The following FGF10 variants were observed in gnomAD, a reference collection of about 807,000 sequenced individuals.
FGF10 encodes the protein FGF-10.
In FGF10, 2 loss-of-function variants were observed where a neutral mutation model predicts 19.8. The observed-to-expected ratio is 0.10, with a 90% CI of 0.04 to 0.32. The LOEUF is 0.32. Ranked by LOEUF, FGF10 falls within the 10% of genes least tolerant of loss-of-function variation. The pLI is 1.00. For synonymous variants in FGF10, 112 were observed against 94.0 expected (o/e 1.19, Z -1.10); for missense variants, 191 against 246.3 (o/e 0.78, Z 1.50).
intron 1 of FGF10, among the ~76,000 whole-genome samples, chr5:44,378,181 T>C (rs1741908674): frequency 6.6e-6 from 1 of 152,180 alleles, no homozygotes; most frequent in Admixed American, 6.5e-5. Context: ...TTTTTTCCCC[T>C]TGGGGATGCT....
chr5:44,371,129 C>T (rs2128432), intron 1 of FGF10, among the ~76,000 whole-genome samples: 18,133 of 151,922 alleles, frequency 0.12, 2,662 homozygotes, highest in African/African-American at 0.34. Flanking sequence ...GAATGCTCTG[C>T]CCTCATGATT....
intron 1 of FGF10, among the ~76,000 whole-genome samples, chr5:44,379,507 C>T (rs1029912206): frequency 6.6e-6 from 1 of 152,200 alleles, no homozygotes; most frequent in African/African-American, 2.4e-5. Context: ...TCAAAGCCTG[C>T]TTTCACTCCG....
intron 1 of FGF10, among the ~76,000 whole-genome samples, chr5:44,386,974 C>T (rs141459591): frequency 1.2e-4 from 19 of 152,296 alleles, no homozygotes; most frequent in Non-Finnish European, 1.9e-4. Context: ...GTTTGACTGA[C>T]GTATTTAAGT....
rs542345402 is a variant in FGF10 at position 44,325,881 on chromosome 5, T to A, written c.326-15351A>T. 4.5e-4 allele frequency among the ~76,000 whole-genome samples: 68 copies of A among 151,762 alleles called. 1 individual carries two copies. The highest frequency in any genetic ancestry group is 6.9e-3 in the Middle Eastern group (2 of 290). On this transcript the variant is annotated intron_variant, in intron 1 of 2. Transcript: ENST00000264664. ...AAACTTAAAGTATAATACAAAATTT[T>A]AAAAAAAAGAAAAGATATATTTGAA...
At chr5:44,307,256 G>C (rs1740100263) in intron 2 of FGF10, among the ~76,000 whole-genome samples, 2 of 152,146 alleles carry the variant, frequency 1.3e-5, no homozygotes, top group African/African-American at 4.8e-5. Context: ...CAAAATATAT[G>C]TTGTTGACAG....
At chr5:44,386,645 C>G (rs143235677) in intron 1 of FGF10, among the ~76,000 whole-genome samples, 38 of 152,254 alleles carry the variant, frequency 2.5e-4, no homozygotes, top group African/African-American at 9.1e-4. Context: ...TAATTGTCAT[C>G]ATTATGACAT....
chr5:44,310,599 A>G (rs1740189149), intron 1 of FGF10, 69 bp from the exon 2 acceptor site: 3 of 1,173,012 alleles, frequency 2.6e-6, no homozygotes, highest in Non-Finnish European at 3.8e-6. Context: ...GTAAAATCAA[A>G]AGAAACTATT....
intron 1 of FGF10, among the ~76,000 whole-genome samples, chr5:44,349,453 T>TATATATCAGAATATATATATATATCAGA (rs1554038152): frequency 1.7e-3 from 40 of 23,052 alleles, no homozygotes; most frequent in South Asian, 3.2e-3. Flanking sequence ...TATATATATA[T>TATATATCAGAATATATATATATATCAGA]ATATATATAT....
At position 44,388,622 on chromosome 5, in the gene FGF10, A is replaced by G; in HGVS notation, c.61T>C (p.Cys21Arg). Residue 21 changes from cysteine to arginine, a missense_variant, in exon 1 of 3, where the codon TGC becomes CGC. Cys to Arg is a radical substitution (Grantham distance 180, BLOSUM62 -3). Transcript: ENST00000264664. ...AAGAACAGCAACAAAAAGCAGCAGC[A>G]GCAGCAGCCGGGCAGGTGGGGAAAG... ...SAFPHLPGCCCCCFLLLFLVS... is the reference protein window; with the variant it reads ...SAFPHLPGCCRCCFLLLFLVS... 6 of 1,614,158 alleles carry G rather than the reference A, an allele frequency of 3.7e-6. No individual in the cohort carries two copies. The highest frequency in any genetic ancestry group is 5.1e-6 in the Non-Finnish European group (6 of 1,180,026).
At chr5:44,351,836 C>T (rs1189785395) in intron 1 of FGF10, among the ~76,000 whole-genome samples, 1 of 151,342 alleles carries the variant, frequency 6.6e-6, no homozygotes, top group East Asian at 1.9e-4. Context: ...AGTTACATTC[C>T]TTTTTTAAAT....
rs143257684 is a variant in FGF10 at position 44,300,617 on chromosome 5, T to C, written c.*4378A>G. Among the ~76,000 whole-genome samples the C allele has an allele frequency of 2.1e-3, 317 of 152,256 alleles. 1 individual carries two copies. Among genetic ancestry groups the C allele is most frequent in the South Asian group, 8.5e-3 (41 of 4,826 alleles). ...ACAAACAGGTGAAGAATAATTGGAA[T>C]TGGTGGGAAATATAGGAATAGAAAA... is the stretch of plus-strand genomic sequence containing the variant. On this transcript the variant is annotated 3_prime_UTR_variant, in exon 3 of 3. Transcript: ENST00000264664.
intron 1 of FGF10, among the ~76,000 whole-genome samples, chr5:44,337,064 C>T (rs954744842): frequency 2.0e-5 from 3 of 152,120 alleles, no homozygotes; most frequent in Non-Finnish European, 4.4e-5. Flanking sequence ...TCTGCCACTA[C>T]TATTATAACA....
At chr5:44,339,604 G>A (rs1275878538) in intron 1 of FGF10, among the ~76,000 whole-genome samples, 1 of 152,034 alleles carries the variant, frequency 6.6e-6, no homozygotes, top group Non-Finnish European at 1.5e-5. Flanking sequence ...AACCTATGAG[G>A]CCCATACTGA....
chr5:44,311,897 G>A (rs1740218648), intron 1 of FGF10, among the ~76,000 whole-genome samples: 1 of 152,030 alleles, frequency 6.6e-6, no homozygotes, highest in Non-Finnish European at 1.5e-5. Flanking sequence ...CTCGAGAGAT[G>A]AATACCTTCT....
chr5:44,354,156 T>C (rs1322609063), intron 1 of FGF10, among the ~76,000 whole-genome samples: 1 of 151,352 alleles, frequency 6.6e-6, no homozygotes, highest in Non-Finnish European at 1.5e-5. Context: ...TAACAAAGAA[T>C]ATACTAGATC....
chr5:44,389,130 C>G lies in FGF10; in HGVS notation c.-448G>C, dbSNP rs573591129. 1.4e-3 allele frequency: 378 copies of G among 276,166 alleles called. 1 individual carries two copies. The highest frequency in any genetic ancestry group is 2.3e-3 in the Non-Finnish European group (318 of 139,514). The allele number at this position is 276,166 out of a possible 1,614,324, so 17.1% of individuals were successfully genotyped here. On this transcript the variant is annotated 5_prime_UTR_variant, in exon 1 of 3. Coordinates refer to ENST00000264664, the MANE Select transcript of FGF10 (RefSeq NM_004465.2). ...TGGGGAATAGGGGGAGATATCTGCA[C>G]CCCTCTGCGGTTGGCACCTTCTGGT...
intron 1 of FGF10, among the ~76,000 whole-genome samples, chr5:44,334,029 T>C (rs1579912564): frequency 6.6e-6 from 1 of 152,032 alleles, no homozygotes; most frequent in African/African-American, 2.4e-5. Flanking sequence ...AAACAAATGG[T>C]CACGTGGGGC....
chr5:44,326,818 A>T (rs1411745081), intron 1 of FGF10, among the ~76,000 whole-genome samples: 1 of 152,174 alleles, frequency 6.6e-6, no homozygotes, highest in Non-Finnish European at 1.5e-5. Flanking sequence ...TTATCTGAAG[A>T]AACTCATGTG....
rs1276719760 is a variant in FGF10, at chr5:44,388,870, C to CG, written c.-189dup. 3 of 666,048 alleles carry CG rather than the reference C, an allele frequency of 4.5e-6. No individual in the cohort carries two copies. Among genetic ancestry groups the CG allele is most frequent in the Non-Finnish European group, 8.2e-6 (3 of 366,658 alleles). 41.3% of individuals were successfully genotyped at this position (666,048 alleles called of 1,614,324 possible). A position where few individuals can be genotyped will look rare whatever the true frequency, so the allele number is the denominator to read the frequency against. ...CTCGGAAAAGCCGGCTGACTCCCCT[C>CG]GCTCCTTTCTCGGATCCGCTGCCTA... On this transcript the variant is annotated 5_prime_UTR_variant, in exon 1 of 3. Transcript: ENST00000264664.
Sources: allele counts gnomAD v4.1 joint callset (sites outside exome capture counted in the v4.1 genomes callset), GRCh38; gene constraint gnomAD v4.1.1; transcripts MANE v1.5; gene names NCBI Gene and HGNC (gene_info 2026-07-23, HGNC 2026-07-21).